The following FGF13 variants were observed in gnomAD, a reference collection of about 807,000 sequenced individuals.
The protein encoded by FGF13 is fibroblast growth factor homologous factor 2.
Under a neutral mutation model 19.5 loss-of-function variants are expected in FGF13, and 2 were observed. That is an observed-to-expected ratio of 0.10 (90% CI 0.04 to 0.32). FGF13 has a LOEUF of 0.32. Among genes scored for constraint, FGF13 ranks in the 10% least tolerant of loss-of-function variants. The probability of loss-of-function intolerance (pLI) is 1.00; values close to 1 mark genes in which losing one functional copy is unlikely to be tolerated. For missense variants in FGF13, 113 were observed against 192.7 expected, an observed-to-expected ratio of 0.59 and a Z score of 2.45; for synonymous variants, 72 against 76.9, an observed-to-expected ratio of 0.94 and a Z score of 0.33.
chrX:139,164,021 C>T (rs112299050), intron 1 of FGF13, among the ~76,000 whole-genome samples: 38 of 110,217 alleles, frequency 3.4e-4, no homozygotes, highest in African/African-American at 1.2e-3. Context: ...TTTATGACAA[C>T]GTTAAGGTGG....
chrX:139,199,551 G>A (rs1261398662), intron 1 of FGF13, among the ~76,000 whole-genome samples: 2 of 111,814 alleles, frequency 1.8e-5, no homozygotes, highest in African/African-American at 3.3e-5. Flanking sequence ...CTTACTTACC[G>A]CCTTACAAAT....
intron 3 of FGF13, among the ~76,000 whole-genome samples, chrX:138,760,265 C>T (rs939950777): frequency 3.6e-5 from 4 of 112,024 alleles, no homozygotes; most frequent in African/African-American, 9.7e-5. Flanking sequence ...GGAAAGGCAC[C>T]ACTGTGTGGT....
intron 3 of FGF13, chrX:138,807,143 C>T (rs1028582356): frequency 8.1e-5 from 9 of 110,490 alleles, no homozygotes; most frequent in African/African-American, 2.6e-4. Flanking sequence ...GAGGGCCGGC[C>T]CTGCCTTCAG....
chrX:138,996,035 A>G (rs773945372), intron 1 of FGF13, among the ~76,000 whole-genome samples: 9 of 111,480 alleles, frequency 8.1e-5, no homozygotes, highest in Non-Finnish European at 1.7e-4. Context: ...CCCCAAATAA[A>G]CTTGAAAAGC....
intron 1 of FGF13, among the ~76,000 whole-genome samples, chrX:139,202,617 C>T (rs1037290973): frequency 5.4e-5 from 6 of 111,504 alleles, no homozygotes; most frequent in Non-Finnish European, 1.1e-4. Flanking sequence ...AATGGCTCCA[C>T]TTAGAAACAA....
chrX:138,655,772 A>T (rs772700049), intron 3 of FGF13, among the ~76,000 whole-genome samples: 69 of 112,153 alleles, frequency 6.2e-4, no homozygotes, highest in African/African-American at 2.2e-3. Flanking sequence ...ATTATGTTAC[A>T]TCCATCCTGA....
At chrX:139,134,879 C>T (rs1341013517) in intron 1 of FGF13, among the ~76,000 whole-genome samples, 1 of 110,812 alleles carries the variant, frequency 9.0e-6, no homozygotes, top group Non-Finnish European at 1.9e-5. Context: ...AACTCCTGAT[C>T]TCAGGTGATC....
chrX:139,060,597 T>C (rs755455326), intron 1 of FGF13, among the ~76,000 whole-genome samples: 119 of 111,831 alleles, frequency 1.1e-3, no homozygotes, highest in Middle Eastern at 4.6e-3. Flanking sequence ...ATGATATTTT[T>C]CCTATAAAAG....
At chrX:138,875,735 C>T (rs2091385282) in intron 1 of FGF13, among the ~76,000 whole-genome samples, 1 of 111,241 alleles carries the variant, frequency 9.0e-6, no homozygotes, top group African/African-American at 3.3e-5. Context: ...TGCCTGGTGA[C>T]CTTTGAACTG....
At chrX:138,712,811 G>A (rs2090066849), upstream of FGF13, among the ~76,000 whole-genome samples, 1 of 112,106 alleles carries the variant, frequency 8.9e-6, no homozygotes, top group African/African-American at 3.2e-5. Context: ...CAGAACTAAT[G>A]TAGATGCAAA....
intron 3 of FGF13, among the ~76,000 whole-genome samples, chrX:138,657,146 G>A (rs182235231): frequency 2.7e-3 from 299 of 110,558 alleles, no homozygotes; most frequent in African/African-American, 9.3e-3. Flanking sequence ...GGAATTATTG[G>A]AAATCAATTT....
At chrX:138,959,139 G>A in intron 1 of FGF13, among the ~76,000 whole-genome samples, 1 of 111,708 alleles carries the variant, frequency 9.0e-6, no homozygotes, top group African/African-American at 3.3e-5. Flanking sequence ...GATCTTTCCT[G>A]CTTTCTCTTG....
intron 1 of FGF13, among the ~76,000 whole-genome samples, chrX:138,899,224 G>A (rs1182700224): frequency 1.8e-5 from 2 of 111,614 alleles, no homozygotes; most frequent in Admixed American, 9.5e-5. Flanking sequence ...ATAAGAACAT[G>A]TAGAAACTCA....
At chrX:138,888,050 T>C (rs1264600673) in intron 1 of FGF13, among the ~76,000 whole-genome samples, 4 of 112,520 alleles carry the variant, frequency 3.6e-5, no homozygotes, top group Non-Finnish European at 5.6e-5. Flanking sequence ...TGTATGGTTG[T>C]TTCATTCTTC....
chrX:138,788,956 T>C (rs888538327), intron 3 of FGF13, among the ~76,000 whole-genome samples: 4 of 111,676 alleles, frequency 3.6e-5, no homozygotes, highest in Non-Finnish European at 5.6e-5. Flanking sequence ...TGTGCTCAGC[T>C]AAATAAATAT....
upstream of FGF13, among the ~76,000 whole-genome samples, chrX:138,712,359 T>A (rs1171754933): frequency 9.0e-6 from 1 of 111,492 alleles, no homozygotes; most frequent in Admixed American, 9.5e-5. Context: ...CCGCTCAGAT[T>A]TGGGATTCAA....
At chrX:138,791,454 C>T (rs913952391) in intron 3 of FGF13, among the ~76,000 whole-genome samples, 1 of 112,450 alleles carries the variant, frequency 8.9e-6, no homozygotes, top group Admixed American at 9.4e-5. Flanking sequence ...GCTAGGCCCA[C>T]CTTTTTATGT....
At chrX:138,807,623 G>T (rs1382829168) in intron 3 of FGF13, among the ~76,000 whole-genome samples, 1 of 111,802 alleles carries the variant, frequency 8.9e-6, no homozygotes, top group East Asian at 2.8e-4. Context: ...TGGGCTAAAT[G>T]CTCCAATTAA....
At chrX:138,844,378 A>G (rs1258813340) in intron 3 of FGF13, among the ~76,000 whole-genome samples, 2 of 112,183 alleles carry the variant, frequency 1.8e-5, no homozygotes, top group East Asian at 5.6e-4. Context: ...AAAATCGATG[A>G]CATCTTTACA....
Sources: gnomAD v4.1 joint callset for allele counts (sites outside exome capture counted in the v4.1 genomes callset) on GRCh38, gnomAD v4.1.1 for gene constraint, MANE v1.5 for transcripts, NCBI Gene and HGNC (gene_info 2026-07-23, HGNC 2026-07-21) for gene names.